Variants in FBXL20 observed in about 807,000 individuals in gnomAD.
FBXL20 encodes F-box and leucine rich repeat protein 20.
Under a neutral mutation model 64.0 loss-of-function variants are expected in FBXL20, and 11 were observed. That is an observed-to-expected ratio of 0.17 (90% CI 0.11 to 0.28). The LOEUF (loss-of-function observed/expected upper bound fraction) is 0.28, where lower values mean the gene tolerates loss of function less well. Among genes scored for constraint, FBXL20 ranks in the 10% least tolerant of loss-of-function variants. The pLI, the probability that FBXL20 is intolerant of heterozygous loss-of-function variation, is 1.00. For synonymous variants in FBXL20, 184 were observed against 189.0 expected (o/e 0.97, Z 0.22); for missense variants, 303 against 526.2 (o/e 0.58, Z 4.15).
chr17:39,337,919 G>C (rs913001419), intron 2 of FBXL20, among the ~76,000 whole-genome samples: 49 of 150,536 alleles, frequency 3.3e-4, no homozygotes, highest in African/African-American at 1.2e-3. Flanking sequence ...GAGGTGGGGG[G>C]GTCAGCCCCC....
intron 10 of FBXL20, among the ~76,000 whole-genome samples, chr17:39,272,983 T>G (rs1359851731): frequency 6.6e-6 from 1 of 152,184 alleles, no homozygotes; most frequent in South Asian, 2.1e-4. Flanking sequence ...ATTACTAATT[T>G]TGACCAATAG....
chr17:39,361,852 C>T (rs1376421930), intron 1 of FBXL20, among the ~76,000 whole-genome samples: 1 of 151,744 alleles, frequency 6.6e-6, no homozygotes, highest in Non-Finnish European at 1.5e-5. Flanking sequence ...AATCCCAGCA[C>T]TTTACAAGGC....
At chr17:39,320,534 G>T (rs563778931) in intron 2 of FBXL20, among the ~76,000 whole-genome samples, 1 of 151,490 alleles carries the variant, frequency 6.6e-6, no homozygotes, top group South Asian at 2.1e-4. Context: ...TATACAGATG[G>T]AAATATTAAA....
Position 39,258,287 on chromosome 17 carries a change from C to T in FBXL20, c.*3173G>A, listed in dbSNP as rs1470581628. 6.6e-6 allele frequency: 1 copy of T among 152,206 alleles called. No individual in the cohort carries two copies. Among genetic ancestry groups the T allele is most frequent in the African/African-American group, 2.4e-5 (1 of 41,460 alleles). 9.4% of individuals were successfully genotyped at this position (152,206 alleles called of 1,614,324 possible). ...TATGTTCAGATGTCAGGCTCCTTTC[C>T]ACCTGACCAAAACTTACCATGCTTT... is the stretch of plus-strand genomic sequence containing the variant. On this transcript the variant is annotated 3_prime_UTR_variant, in exon 15 of 15. Coordinates refer to ENST00000264658, the MANE Select transcript of FBXL20 (RefSeq NM_032875.3).
chr17:39,307,669 C>G (rs1247000733), intron 2 of FBXL20, among the ~76,000 whole-genome samples: 1 of 151,914 alleles, frequency 6.6e-6, no homozygotes, highest in Non-Finnish European at 1.5e-5. Flanking sequence ...AGTCAAGGGC[C>G]AGAATATGTT....
intron 1 of FBXL20, among the ~76,000 whole-genome samples, chr17:39,360,222 G>T (rs983135705): frequency 6.6e-6 from 1 of 152,126 alleles, no homozygotes; most frequent in Admixed American, 6.6e-5. Flanking sequence ...GTTGGCAGGG[G>T]CTAAAAGGGG....
Position 39,338,764 on chromosome 17 carries a change from A to G in FBXL20, c.104+4416T>C, listed in dbSNP as rs113904328. On this transcript the variant is annotated intron_variant, in intron 2 of 14. Coordinates refer to ENST00000264658, the MANE Select transcript of FBXL20 (RefSeq NM_032875.3). ...GACAAGGATACACCACCATTTCTACAGTATACTTGTCAAACTGCATAACTT... is the reference window on the plus strand; with the variant it reads ...GACAAGGATACACCACCATTTCTACGGTATACTTGTCAAACTGCATAACTT... Among the ~76,000 whole-genome samples the G allele has an allele frequency of 3.9e-4, 59 of 152,324 alleles. 1 individual carries two copies. The highest frequency in any genetic ancestry group is 3.4e-3 in the Middle Eastern group (1 of 294).
chr17:39,301,696 C>T (rs2047136809), intron 3 of FBXL20, among the ~76,000 whole-genome samples: 1 of 150,834 alleles, frequency 6.6e-6, no homozygotes, highest in African/African-American at 2.4e-5. Context: ...CCACTGCACT[C>T]CAGCCTGGGC....
At chr17:39,276,221 G>GAAAAAAAAAAAAA (rs1215336803) in intron 9 of FBXL20, among the ~76,000 whole-genome samples, 17 of 60,538 alleles carry the variant, frequency 2.8e-4, no homozygotes, top group African/African-American at 3.8e-4. Context: ...AGCAAGAAAA[G>GAAAAAAAAAAAAA]AAAAAAAAAA....
At chr17:39,283,390 T>C (rs536160108) in intron 7 of FBXL20, among the ~76,000 whole-genome samples, 9 of 152,158 alleles carry the variant, frequency 5.9e-5, no homozygotes, top group Non-Finnish European at 1.0e-4. Context: ...GAGTGTCACA[T>C]TGATACTCAA....
chr17:39,331,530 A>G (rs1052264398), intron 2 of FBXL20, among the ~76,000 whole-genome samples: 2 of 152,158 alleles, frequency 1.3e-5, no homozygotes, highest in Admixed American at 1.3e-4. Context: ...GATTGCTATA[A>G]TGCCCTAGGC....
chr17:39,271,441 T>C (rs1010391132), intron 10 of FBXL20, among the ~76,000 whole-genome samples: 1 of 149,116 alleles, frequency 6.7e-6, no homozygotes, highest in Non-Finnish European at 1.5e-5. Context: ...CTACCAAAAA[T>C]GCAAAAATTA....
In FBXL20 at chr17:39,257,410, GACTT is replaced by G. The variant is rs2046705454; in HGVS notation, c.*4046_*4049del. On this transcript the variant is annotated 3_prime_UTR_variant, in exon 15 of 15. Coordinates refer to ENST00000264658, the MANE Select transcript of FBXL20 (RefSeq NM_032875.3). ...GATACAAGGGATATGTGAAACTTCT[GACTT>G]ACATGTCTGCTAAATCAACTTAATG... 6.6e-6 allele frequency: 1 copy of G among 152,184 alleles called. No individual in the cohort carries two copies. The highest frequency in any genetic ancestry group is 1.5e-5 in the Non-Finnish European group (1 of 68,036). The allele number at this position is 152,184 out of a possible 1,614,324, so 9.4% of individuals were successfully genotyped here. A position where few individuals can be genotyped will look rare whatever the true frequency, so the allele number is the denominator to read the frequency against.
At chr17:39,350,676 G>C (rs1215580014) in intron 1 of FBXL20, among the ~76,000 whole-genome samples, 1 of 152,170 alleles carries the variant, frequency 6.6e-6, no homozygotes, top group Non-Finnish European at 1.5e-5. Context: ...CATCTGTCCA[G>C]ATTTATATTT....
chr17:39,294,176 T>C (rs569132951), intron 6 of FBXL20, among the ~76,000 whole-genome samples: 12 of 151,948 alleles, frequency 7.9e-5, no homozygotes, highest in Non-Finnish European at 1.0e-4. Flanking sequence ...GGTCTCACTA[T>C]GTTGGCCAGG....
intron 9 of FBXL20, among the ~76,000 whole-genome samples, chr17:39,276,243 AGGGAC>A (rs1023392023): frequency 1.4e-5 from 2 of 144,036 alleles, no homozygotes; most frequent in African/African-American, 5.0e-5. Flanking sequence ...AAAAAAAAAA[AGGGAC>A]GGGAAGGGAA....
At chr17:39,324,009 C>CT (rs1351580660) in intron 2 of FBXL20, among the ~76,000 whole-genome samples, 3 of 67,944 alleles carry the variant, frequency 4.4e-5, no homozygotes, top group Non-Finnish European at 8.2e-5. Flanking sequence ...CGTGATCCAA[C>CT]CCCCTCCCCC....
At position 39,275,106 on chromosome 17, in the gene FBXL20, A is replaced by C; in HGVS notation, c.697-6T>G. 6.2e-7 allele frequency: 1 copy of C among 1,600,554 alleles called. No homozygotes were observed. The highest frequency in any genetic ancestry group is 1.3e-5 in the African/African-American group (1 of 74,436). On this transcript the variant is annotated splice_polypyrimidine_tract_variant and splice_region_variant and intron_variant, in intron 9 of 14. Transcript: ENST00000264658. ...AGACCTTCATCTGTGATTTGCTAAA[A>C]AACAAGAGCAAAAAAATCCATAGAT...
intron 2 of FBXL20, among the ~76,000 whole-genome samples, chr17:39,342,520 C>A (rs143462954): frequency 2.5e-4 from 38 of 152,216 alleles, no homozygotes; most frequent in Non-Finnish European, 4.3e-4. Context: ...TCAAGACCAT[C>A]CTGGCTAACA....
Sources: gnomAD v4.1 joint callset for allele counts (sites outside exome capture counted in the v4.1 genomes callset) on GRCh38, gnomAD v4.1.1 for gene constraint, MANE v1.5 for transcripts, NCBI Gene and HGNC (gene_info 2026-07-23, HGNC 2026-07-21) for gene names.